The following HDDC2 variants were observed in gnomAD, a reference collection of about 807,000 sequenced individuals.
HDDC2 encodes the protein HD domain containing 2, also known as 5'-deoxynucleotidase HDDC2.
HDDC2 carries 25 observed loss-of-function variants against 25.5 expected under a neutral mutation model. The observed-to-expected ratio is 0.98, with a 90% CI of 0.72 to 1.37. The LOEUF is 1.37. Among genes scored for constraint, HDDC2 ranks in the 40% most tolerant of loss-of-function variants. The probability of loss-of-function intolerance (pLI) is 0.00; values close to 1 mark genes in which losing one functional copy is unlikely to be tolerated. For missense variants in HDDC2, 264 were observed against 253.1 expected, an observed-to-expected ratio of 1.04 and a Z score of -0.29; for synonymous variants, 106 against 89.7, an observed-to-expected ratio of 1.18 and a Z score of -1.03.
rs189362013 is a variant in HDDC2, at chr6:125,295,978, T to C, written c.309+2736A>G. On this transcript the variant is annotated intron_variant, in intron 3 of 5. Transcript: ENST00000398153. ...GCTTTTGGCTCCTTTCTAAATTTGT[T>C]TCTTCTATGCCCTCATTCTCCCTTT... Among the ~76,000 whole-genome samples the C allele has an allele frequency of 8.5e-5, 13 of 152,300 alleles. No homozygotes were observed. In the East Asian group the frequency reaches 2.3e-3, roughly 27 times the overall value.
At chr6:125,287,116 T>C (rs1022115223) in intron 4 of HDDC2, among the ~76,000 whole-genome samples, 1 of 152,040 alleles carries the variant, frequency 6.6e-6, no homozygotes, top group African/African-American at 2.4e-5. Context: ...GGAAACTCTA[T>C]AGGTCAAATG....
chr6:125,301,788 G>T, intron 1 of HDDC2, 61 bp downstream of exon 1: 1 of 1,271,992 alleles, frequency 7.9e-7, no homozygotes, highest in Non-Finnish European at 1.1e-6. Flanking sequence ...GAGGCCGGAA[G>T]CTCCGCCGCC....
chr6:125,292,143 G>A (rs181530170), intron 4 of HDDC2, among the ~76,000 whole-genome samples: 3 of 152,306 alleles, frequency 2.0e-5, no homozygotes, highest in Admixed American at 2.0e-4. Context: ...TGAATAAGGG[G>A]AGGCTTAGGG....
chr6:125,295,155 C>T (rs1798690757), intron 3 of HDDC2, among the ~76,000 whole-genome samples: 1 of 152,164 alleles, frequency 6.6e-6, no homozygotes, highest in South Asian at 2.1e-4. Flanking sequence ...TCCTGGCAAG[C>T]GATGAGCCCT....
intron 4 of HDDC2, among the ~76,000 whole-genome samples, chr6:125,288,610 C>A (rs565373619): frequency 6.6e-6 from 1 of 151,838 alleles, no homozygotes; most frequent in South Asian, 2.1e-4. Context: ...CCAGAATCTA[C>A]AATGAACTCA....
intron 3 of HDDC2, 59 bp downstream of exon 3, chr6:125,298,653 GCT>G: frequency 8.1e-7 from 1 of 1,229,626 alleles, no homozygotes. Flanking sequence ...CATAAACTTA[GCT>G]TTGCTTCAGC....
intron 4 of HDDC2, among the ~76,000 whole-genome samples, chr6:125,280,910 G>C (rs1312188261): frequency 6.6e-6 from 1 of 152,224 alleles, no homozygotes; most frequent in Non-Finnish European, 1.5e-5. Flanking sequence ...TCCTGACTGG[G>C]AGACACCTCC....
rs55901545 is a variant in HDDC2, at chr6:125,291,445, T to C, written c.378+1396A>G. Reference sequence around the variant, plus strand: ...GGTGTACACTAAGTCATGCCTCTAGTGAGGTCTGGGACAGCACTCAGTTGC... The same window carrying C: ...GGTGTACACTAAGTCATGCCTCTAGCGAGGTCTGGGACAGCACTCAGTTGC... On this transcript the variant is annotated intron_variant, in intron 4 of 5. Transcript: ENST00000398153. Among the ~76,000 whole-genome samples the C allele has an allele frequency of 3.8e-3, 582 of 152,320 alleles. 5 individuals carry two copies. The highest frequency in any genetic ancestry group is 0.012 in the Admixed American group (191 of 15,308).
chr6:125,285,375 A>G (rs917371334), intron 4 of HDDC2, among the ~76,000 whole-genome samples: 6 of 152,220 alleles, frequency 3.9e-5, no homozygotes, highest in African/African-American at 1.4e-4. Context: ...GAAATGTAAG[A>G]TAAAAGGTTG....
chr6:125,288,208 C>T (rs1798571631), intron 4 of HDDC2, among the ~76,000 whole-genome samples: 1 of 152,106 alleles, frequency 6.6e-6, no homozygotes, highest in African/African-American at 2.4e-5. Context: ...GCTATAAAAT[C>T]AGGGGAGAAG....
chr6:125,298,568 C>T, intron 3 of HDDC2, 146 bp downstream of exon 3: 1 of 635,042 alleles, frequency 1.6e-6, no homozygotes, highest in South Asian at 2.0e-5. Flanking sequence ...CTAAAAATAT[C>T]TTCCCCTGAC....
rs150024128 is a variant in HDDC2, at chr6:125,277,535, G to A, written c.379-295C>T. The stretch of plus-strand genomic sequence containing the variant: ...AGATCTTTTCTTCCTGTTTAATACC[G>A]TGTCTTCATTTTAAGACCATTGTTC... On this transcript the variant is annotated intron_variant, in intron 4 of 5. Coordinates refer to ENST00000398153, the MANE Select transcript of HDDC2 (RefSeq NM_016063.3). 391 of 288,160 alleles carry A rather than the reference G, an allele frequency of 1.4e-3. 3 individuals are homozygous for A. The East Asian group carries it at 0.023, about 17-fold the overall frequency. 17.9% of individuals were successfully genotyped at this position (288,160 alleles called of 1,614,324 possible). A position where few individuals can be genotyped will look rare whatever the true frequency, so the allele number is the denominator to read the frequency against.
intron 3 of HDDC2, chr6:125,293,341 G>T: frequency 4.9e-6 from 1 of 204,804 alleles, no homozygotes. Context: ...AGCTCAAAGA[G>T]ATTTTTTGTA....
Position 125,276,073 on chromosome 6 carries a change from C to A in HDDC2, c.*73G>T, listed in dbSNP as rs941551231. 4 of 1,138,286 alleles carry A rather than the reference C, an allele frequency of 3.5e-6. No individual in the cohort carries two copies. The highest frequency in any genetic ancestry group is 5.3e-6 in the Non-Finnish European group (4 of 751,332). The allele number at this position is 1,138,286 out of a possible 1,614,324, so 70.5% of individuals were successfully genotyped here. On this transcript the variant is annotated 3_prime_UTR_variant, in exon 6 of 6. Coordinates refer to ENST00000398153, the MANE Select transcript of HDDC2 (RefSeq NM_016063.3). ...ACATCTAGGGAAATCAACAGACCAA[C>A]AATGGCAAAACACAATACAATGAAA...
At chr6:125,277,771 C>G (rs1798392912) in intron 4 of HDDC2, 1 of 152,688 alleles carries the variant, frequency 6.5e-6, no homozygotes, top group Non-Finnish European at 1.5e-5. Context: ...TTAAGTCCCT[C>G]TGAGTTAAGA....
intron 4 of HDDC2, chr6:125,277,877 T>G (rs1798396182): frequency 6.6e-6 from 1 of 152,090 alleles, no homozygotes; most frequent in Non-Finnish European, 1.5e-5. Flanking sequence ...GGGGAGCAGT[T>G]TTTTTACCTT....
intron 4 of HDDC2, chr6:125,278,451 C>T (rs973727568): frequency 6.6e-6 from 1 of 152,054 alleles, no homozygotes; most frequent in African/African-American, 2.4e-5. Flanking sequence ...AAATACAATA[C>T]ATCTTATTAC....
intron 1 of HDDC2, 136 bp downstream of exon 1, chr6:125,301,713 G>T (rs1798810670): frequency 1.6e-6 from 1 of 622,876 alleles, no homozygotes; most frequent in Admixed American, 3.5e-5. Context: ...GCAGGACTGG[G>T]GCCTTTCCGG....
intron 1 of HDDC2, 27 bp downstream of exon 1, chr6:125,301,822 C>G (rs984989357): frequency 2.0e-6 from 3 of 1,518,582 alleles, no homozygotes; most frequent in Non-Finnish European, 2.7e-6. Flanking sequence ...CGCTCGGCCG[C>G]GGCCTCCCGG....
Sources: allele counts gnomAD v4.1 joint callset (sites outside exome capture counted in the v4.1 genomes callset), GRCh38; gene constraint gnomAD v4.1.1; transcripts MANE v1.5; gene names NCBI Gene and HGNC (gene_info 2026-07-23, HGNC 2026-07-21).